The following LAMA3 variants were observed in gnomAD, a reference collection of about 807,000 sequenced individuals.
The protein encoded by LAMA3 is laminin subunit alpha 3, also known as laminin subunit alpha-3.
LAMA3 carries 281 observed loss-of-function variants against 402.0 expected under a neutral mutation model. The observed-to-expected ratio is 0.70, with a 90% CI of 0.63 to 0.77. The LOEUF (loss-of-function observed/expected upper bound fraction) is 0.77. Ranked by LOEUF, LAMA3 falls within the 30% of genes least tolerant of loss-of-function variation. LAMA3 has a pLI of 0.00. For synonymous variants in LAMA3, 1,431 were observed against 1,558.4 expected (o/e 0.92, Z 1.93); for missense variants, 3,840 against 4,215.5 (o/e 0.91, Z 2.47).
Position 23,915,372 on chromosome 18 carries a change from C to A in LAMA3, c.7728C>A (p.Asn2576Lys). 3.7e-6 allele frequency: 6 copies of A among 1,613,654 alleles called. No homozygotes were observed. The highest frequency in any genetic ancestry group is 1.1e-5 in the South Asian group (1 of 91,068). ...ATGAAAATGTTCTGAGCTTGTACAA[C>A]TTCAAAAAAACATTCAATCTCAACA... ...DLNENVLSLY[N>K]FKKTFNLNTT... Residue 2576 changes from asparagine to lysine, a missense_variant, in exon 59 of 75, where the codon AAC becomes AAA. Asn to Lys is a moderately conservative substitution (Grantham distance 94, BLOSUM62 0). Transcript: ENST00000313654.
intron 12 of LAMA3, among the ~76,000 whole-genome samples, chr18:23,785,029 A>G (rs1249609848): frequency 6.6e-6 from 1 of 152,200 alleles, no homozygotes; most frequent in African/African-American, 2.4e-5. Context: ...GAGGCCTCCA[A>G]TGGAATGGCT....
At chr18:23,692,724 C>T (rs1464593277) in intron 1 of LAMA3, among the ~76,000 whole-genome samples, 8 of 152,096 alleles carry the variant, frequency 5.3e-5, no homozygotes, top group Admixed American at 5.2e-4. Context: ...TTTGGCTACT[C>T]TCAATTCTTC....
intron 67 of LAMA3, among the ~76,000 whole-genome samples, chr18:23,937,525 C>G (rs1035687695): frequency 5.3e-5 from 8 of 152,000 alleles, no homozygotes; most frequent in Admixed American, 1.3e-4. Context: ...GCCAGGGAGG[C>G]GGGTGTCCAT....
At chr18:23,801,950 G>A (rs1057055060) in intron 12 of LAMA3, among the ~76,000 whole-genome samples, 6 of 151,966 alleles carry the variant, frequency 3.9e-5, no homozygotes, top group Admixed American at 2.6e-4. Flanking sequence ...TATAACATAC[G>A]CATATACAGA....
In LAMA3 at chr18:23,864,886, A is replaced by G. The variant is rs754230033; in HGVS notation, c.4683+3A>G. 1.2e-5 allele frequency: 19 copies of G among 1,599,158 alleles called. No homozygotes were observed. The highest frequency in any genetic ancestry group is 1.6e-5 in the Non-Finnish European group (19 of 1,166,990). ...AGAAGCCGGATGTACAGCTCACTGT[A>G]GGTATCAGAGCATGACCTAAGTGGC... is the stretch of plus-strand genomic sequence containing the variant. On this transcript the variant is annotated splice_donor_region_variant and intron_variant, in intron 36 of 74. Coordinates refer to ENST00000313654, the MANE Select transcript of LAMA3 (RefSeq NM_198129.4).
At chr18:23,849,221 T>C (rs764521352) in intron 32 of LAMA3, among the ~76,000 whole-genome samples, 13 of 152,234 alleles carry the variant, frequency 8.5e-5, no homozygotes, top group Non-Finnish European at 1.6e-4. Flanking sequence ...GAAAGGCCCC[T>C]TAACCACACC....
intron 8 of LAMA3, among the ~76,000 whole-genome samples, chr18:23,772,738 T>A (rs930735545): frequency 1.3e-5 from 2 of 152,272 alleles, no homozygotes; most frequent in African/African-American, 4.8e-5. Flanking sequence ...TGTGTTTTTG[T>A]TCTTGTTAAC....
In LAMA3 at chr18:23,903,098, G is replaced by T. The variant is rs569425764; in HGVS notation, c.6291G>T (p.Ala2097=). ...CATCTTTGTTGCAAACCAACATTGC[G>T]CTGCAGCTGATGGAGAAAAGCCAGA... ...ADSSLLQTNI[A]LQLMEKSQKE... The change falls in exon 49 of 75, where the codon GCG becomes GCT. Residue 2097 remains alanine, a synonymous_variant. Coordinates refer to ENST00000313654, the MANE Select transcript of LAMA3 (RefSeq NM_198129.4). 6.2e-7 allele frequency: 1 copy of T among 1,610,362 alleles called. No individual in the cohort carries two copies. The highest frequency in any genetic ancestry group is 2.2e-5 in the East Asian group (1 of 44,846).
intron 31 of LAMA3, among the ~76,000 whole-genome samples, chr18:23,847,029 G>A (rs2063831261): frequency 6.6e-6 from 1 of 152,222 alleles, no homozygotes; most frequent in Non-Finnish European, 1.5e-5. Context: ...GAAATGCAGT[G>A]TGCAGAGTCC....
chr18:23,867,473 C>T (rs992486575), intron 36 of LAMA3, among the ~76,000 whole-genome samples: 3 of 149,518 alleles, frequency 2.0e-5, no homozygotes, highest in Admixed American at 6.7e-5. Context: ...CGCTTGAACC[C>T]GGATGCCAGA....
intron 1 of LAMA3, chr18:23,710,293 GA>G (rs1195426216): frequency 3.9e-6 from 2 of 509,386 alleles, no homozygotes; most frequent in African/African-American, 3.9e-5. Context: ...GCCATCTTGT[GA>G]AAAGACCGCA....
intron 33 of LAMA3, 111 bp from the exon 34 acceptor site, chr18:23,858,578 C>G: frequency 2.0e-6 from 2 of 996,234 alleles, no homozygotes; most frequent in Non-Finnish European, 1.6e-6. Context: ...ATGTTTTGCT[C>G]ACATCCTCAT....
At chr18:23,890,688 G>A (rs2080630147) in intron 42 of LAMA3, among the ~76,000 whole-genome samples, 1 of 152,180 alleles carries the variant, frequency 6.6e-6, no homozygotes, top group African/African-American at 2.4e-5. Flanking sequence ...TCAGGAAAAT[G>A]CTATTGATGT....
At chr18:23,813,592 G>A (rs1407983489) in intron 14 of LAMA3, among the ~76,000 whole-genome samples, 13 of 137,524 alleles carry the variant, frequency 9.5e-5, no homozygotes, top group Admixed American at 8.0e-4. Context: ...CGCCCAGGCC[G>A]GAGTGCAGTG....
At chr18:23,716,661 A>T (rs2061105857) in intron 2 of LAMA3, among the ~76,000 whole-genome samples, 1 of 152,198 alleles carries the variant, frequency 6.6e-6, no homozygotes, top group Non-Finnish European at 1.5e-5. Flanking sequence ...ACATAGGAAC[A>T]GTTCAGTACT....
chr18:23,895,102 C>A, intron 44 of LAMA3, 44 bp downstream of exon 44: 1 of 1,550,030 alleles, frequency 6.5e-7, no homozygotes, highest in Non-Finnish European at 8.7e-7. Flanking sequence ...GGAGGAGATG[C>A]TGCGGGAGTG....
intron 12 of LAMA3, among the ~76,000 whole-genome samples, chr18:23,809,911 A>G (rs1007273262): frequency 3.9e-5 from 6 of 152,096 alleles, no homozygotes; most frequent in Non-Finnish European, 7.4e-5. Flanking sequence ...ATATGGAATT[A>G]AAGTGGCCCT....
rs199765341 is a variant in LAMA3 at position 23,827,424 on chromosome 18, C to T, written c.2780C>T (p.Pro927Leu). The change falls in exon 23 of 75, where the codon CCC (proline) becomes CTC (leucine). Residue 927 changes from proline to leucine, a missense_variant. Physicochemically the swap from Pro to Leu is moderately conservative, Grantham distance 98. Coordinates refer to ENST00000313654, the MANE Select transcript of LAMA3 (RefSeq NM_198129.4). ...CCAAGACCCGTGGCAGTGAGGCAGCCCACACCTGCACACCCTGTCATGGTG... is the reference window on the plus strand; with the variant it reads ...CCAAGACCCGTGGCAGTGAGGCAGCTCACACCTGCACACCCTGTCATGGTG... ...GEPRPVAVRQPTPAHPVMVDL... is the reference protein window; with the variant it reads ...GEPRPVAVRQLTPAHPVMVDL... 1.6e-4 allele frequency: 262 copies of T among 1,614,000 alleles called. No homozygotes were observed. Among genetic ancestry groups the T allele is most frequent in the Admixed American group, 7.7e-4 (46 of 59,998 alleles).
At chr18:23,944,516 G>A (rs1256239549) in intron 69 of LAMA3, among the ~76,000 whole-genome samples, 1 of 152,206 alleles carries the variant, frequency 6.6e-6, no homozygotes, top group Non-Finnish European at 1.5e-5. Context: ...AATCCTCAAT[G>A]TAATGTCAGA....
Sources: gnomAD v4.1 joint callset for allele counts (sites outside exome capture counted in the v4.1 genomes callset) on GRCh38, gnomAD v4.1.1 for gene constraint, MANE v1.5 for transcripts, NCBI Gene and HGNC (gene_info 2026-07-23, HGNC 2026-07-21) for gene names.